The following MARVELD2 variants were observed in gnomAD, a reference collection of about 807,000 sequenced individuals.
The protein encoded by MARVELD2 is MARVEL domain containing 2, also known as MARVEL domain-containing protein 2.
MARVELD2 carries 49 observed loss-of-function variants against 57.6 expected under a neutral mutation model. The ratio of observed to expected loss-of-function variants is 0.85; its 90% CI spans 0.68 to 1.08. The LOEUF (loss-of-function observed/expected upper bound fraction) is 1.08. MARVELD2 is among the 50% of genes least tolerant of loss of function. The pLI is 0.00. For missense variants in MARVELD2, 606 were observed against 701.1 expected, an observed-to-expected ratio of 0.86 and a Z score of 1.53; for synonymous variants, 238 against 258.8, an observed-to-expected ratio of 0.92 and a Z score of 0.77.
intron 3 of MARVELD2, among the ~76,000 whole-genome samples, chr5:69,424,991 C>G (rs940942312): frequency 2.0e-5 from 3 of 151,080 alleles, no homozygotes; most frequent in Admixed American, 6.6e-5. Context: ...CGTCACTGCA[C>G]TCCAGCCTGG....
intron 4 of MARVELD2, 49 bp downstream of exon 4, chr5:69,432,724 A>C: frequency 1.9e-6 from 3 of 1,612,962 alleles, no homozygotes; most frequent in Non-Finnish European, 2.5e-6. Context: ...GAGGGGCCCC[A>C]TTTGGTCCTT....
At chr5:69,424,709 T>C in intron 3 of MARVELD2, 73 bp downstream of exon 3, 5 of 1,183,738 alleles carry the variant, frequency 4.2e-6, no homozygotes, top group Non-Finnish European at 6.3e-6. Flanking sequence ...TTTATCTACA[T>C]AGTAGTATCG....
At chr5:69,438,862 G>T (rs1267798165) in intron 5 of MARVELD2, among the ~76,000 whole-genome samples, 5 of 151,376 alleles carry the variant, frequency 3.3e-5, no homozygotes, top group Non-Finnish European at 1.5e-5. Flanking sequence ...CTCCAGCCTG[G>T]GTGACAGAAT....
chr5:69,425,963 C>T (rs924706927), intron 3 of MARVELD2, among the ~76,000 whole-genome samples: 14 of 151,704 alleles, frequency 9.2e-5, no homozygotes, highest in Admixed American at 2.6e-4. Flanking sequence ...AGGATGTTCT[C>T]GATCTCCTGA....
intron 2 of MARVELD2, 125 bp from the exon 3 acceptor site, chr5:69,424,476 A>T (rs1766723298): frequency 1.3e-6 from 1 of 770,354 alleles, no homozygotes; most frequent in African/African-American, 1.7e-5. Context: ...AGGATGAGAA[A>T]CACCCGTCAA....
At chr5:69,427,378 A>G (rs1766822579) in intron 3 of MARVELD2, among the ~76,000 whole-genome samples, 1 of 151,570 alleles carries the variant, frequency 6.6e-6, no homozygotes, top group Non-Finnish European at 1.5e-5. Flanking sequence ...ACTGAAACAC[A>G]TAGCTAGTTC....
intron 3 of MARVELD2, among the ~76,000 whole-genome samples, chr5:69,425,822 A>G (rs868853337): frequency 2.3e-4 from 34 of 150,578 alleles, no homozygotes; most frequent in African/African-American, 8.1e-4. Flanking sequence ...TCCGCCTCCC[A>G]GGTTCACACC....
At chr5:69,425,227 C>T (rs1766749071) in intron 3 of MARVELD2, among the ~76,000 whole-genome samples, 1 of 133,932 alleles carries the variant, frequency 7.5e-6, no homozygotes, top group South Asian at 2.4e-4. Context: ...GGGATTATCA[C>T]ACTCTGGGGA....
chr5:69,436,465 T>C (rs1767146886), intron 5 of MARVELD2, among the ~76,000 whole-genome samples: 1 of 143,544 alleles, frequency 7.0e-6, no homozygotes, highest in African/African-American at 2.6e-5. Context: ...ATATATAAAT[T>C]TTTTACCTGA....
At chr5:69,435,342 A>T (rs567307635) in intron 5 of MARVELD2, among the ~76,000 whole-genome samples, 1 of 152,184 alleles carries the variant, frequency 6.6e-6, no homozygotes, top group African/African-American at 2.4e-5. Flanking sequence ...TTGAGATCTC[A>T]TTCACATATA....
intron 3 of MARVELD2, among the ~76,000 whole-genome samples, chr5:69,427,612 A>C (rs1285579310): frequency 6.6e-6 from 1 of 152,206 alleles, no homozygotes; most frequent in African/African-American, 2.4e-5. Flanking sequence ...AATTATATTC[A>C]TAACATTACT....
chr5:69,437,576 C>G (rs1327214751), intron 5 of MARVELD2, among the ~76,000 whole-genome samples: 1 of 150,226 alleles, frequency 6.7e-6, no homozygotes. Context: ...CCTTGCTACT[C>G]GGGAGGCTGA....
At position 69,420,349 on chromosome 5, in the gene MARVELD2, T is replaced by C; in HGVS notation, c.964T>C (p.Tyr322His). ...VNDTNRGGLC[Y>H]YPLFNTPVNA... ...TGATACCAACCGAGGTGGCCTCTGC[T>C]ACTATCCGTTATTTAATACACCAGT... Residue 322 changes from tyrosine (Y) to histidine (H), a missense_variant, in exon 2 of 7, where the codon TAC (tyrosine) becomes CAC (histidine). By Grantham distance (83) the Tyr-to-His change is moderately conservative (BLOSUM62 2). Coordinates refer to ENST00000325631, the MANE Select transcript of MARVELD2 (RefSeq NM_001038603.3). 1.2e-6 allele frequency: 2 copies of C among 1,614,226 alleles called. No homozygotes were observed. The highest frequency in any genetic ancestry group is 1.7e-6 in the Non-Finnish European group (2 of 1,180,046).
chr5:69,417,546 G>A (rs1041828517), intron 1 of MARVELD2, among the ~76,000 whole-genome samples: 9 of 152,176 alleles, frequency 5.9e-5, no homozygotes, highest in African/African-American at 2.2e-4. Context: ...GCTAACGCTT[G>A]TAATCCCAGC....
At chr5:69,437,585 G>A (rs1323967829) in intron 5 of MARVELD2, among the ~76,000 whole-genome samples, 3 of 151,612 alleles carry the variant, frequency 2.0e-5, no homozygotes, top group South Asian at 2.1e-4. Flanking sequence ...TCGGGAGGCT[G>A]AGGCAGGAGA....
At chr5:69,433,213 A>G in intron 5 of MARVELD2, 120 bp downstream of exon 5, 2 of 994,922 alleles carry the variant, frequency 2.0e-6, no homozygotes, top group Non-Finnish European at 2.9e-6. Flanking sequence ...GCCAGGCTGG[A>G]GTGCAGTGGC....
At chr5:69,425,285 C>T (rs1177149220) in intron 3 of MARVELD2, among the ~76,000 whole-genome samples, 2 of 149,296 alleles carry the variant, frequency 1.3e-5, no homozygotes, top group East Asian at 3.9e-4. Flanking sequence ...GGGAGATATA[C>T]CTAATGCTAG....
Position 69,419,880 on chromosome 5 carries a change from C to T in MARVELD2, c.495C>T (p.His165=). ...ATCCCTATGGATCTCTAGACCGACA[C>T]ACACAAACAGTTCGAACATACAGTG... ...PRDPYGSLDR[H]TQTVRTYSEK... The change falls in exon 2 of 7, where the codon CAC becomes CAT. Residue 165 remains histidine (H), a synonymous_variant. Coordinates refer to ENST00000325631, the MANE Select transcript of MARVELD2 (RefSeq NM_001038603.3). The T allele has an allele frequency of 6.2e-7, 1 of 1,614,176 alleles. No individual in the cohort carries two copies. Among genetic ancestry groups the T allele is most frequent in the Non-Finnish European group, 8.5e-7 (1 of 1,180,044 alleles).
intron 1 of MARVELD2, chr5:69,415,477 GAC>G (rs1297252468): frequency 1.3e-5 from 2 of 152,240 alleles, no homozygotes; most frequent in Non-Finnish European, 1.5e-5. Context: ...AATCTCCAAA[GAC>G]AGTGGGTTTC....
Sources: allele counts gnomAD v4.1 joint callset (sites outside exome capture counted in the v4.1 genomes callset), GRCh38; gene constraint gnomAD v4.1.1; transcripts MANE v1.5; gene names NCBI Gene and HGNC (gene_info 2026-07-23, HGNC 2026-07-21).